DHRSX: variants seen among roughly 807,000 people sequenced by gnomAD.
The protein encoded by DHRSX is dehydrogenase/reductase X-linked.
DHRSX carries 31 observed loss-of-function variants against 34.0 expected under a neutral mutation model. That is an observed-to-expected ratio of 0.91 (90% CI 0.69 to 1.23). The LOEUF (loss-of-function observed/expected upper bound fraction) is 1.23. DHRSX is among the 50% of genes most tolerant of loss of function. DHRSX has a pLI of 0.00. For missense variants in DHRSX, 414 were observed against 428.1 expected, an observed-to-expected ratio of 0.97 and a Z score of 0.29; for synonymous variants, 201 against 183.8, an observed-to-expected ratio of 1.09 and a Z score of -0.76.
chrX:2,257,751 C>T (rs2041298833), intron 5 of DHRSX, among the ~76,000 whole-genome samples: 1 of 152,016 alleles, frequency 6.6e-6, no homozygotes, highest in African/African-American at 2.4e-5. Context: ...TCAGCCTCCC[C>T]AGTAGCTGGG....
intron 1 of DHRSX, among the ~76,000 whole-genome samples, chrX:2,471,920 CA>C (rs2044599309): frequency 6.6e-6 from 1 of 151,768 alleles, no homozygotes. Context: ...CCGTGGAGGG[CA>C]GATTAACTGA....
intron 3 of DHRSX, among the ~76,000 whole-genome samples, chrX:2,346,818 G>C (rs1265065657): frequency 6.6e-6 from 1 of 151,648 alleles, no homozygotes; most frequent in Non-Finnish European, 1.5e-5. Context: ...CTCCCCGACA[G>C]GCCCCAGTGT....
intron 1 of DHRSX, among the ~76,000 whole-genome samples, chrX:2,446,515 C>G (rs1050932709): frequency 6.6e-6 from 1 of 151,840 alleles, no homozygotes; most frequent in African/African-American, 2.4e-5. Flanking sequence ...TGAAGATGGT[C>G]CCTAACAATG....
chrX:2,439,436 G>T (rs956429017), intron 1 of DHRSX, among the ~76,000 whole-genome samples: 16 of 152,210 alleles, frequency 1.1e-4, no homozygotes, highest in Non-Finnish European at 2.1e-4. Flanking sequence ...TTGTCCAGTG[G>T]TCCTCAAGCT....
intron 5 of DHRSX, among the ~76,000 whole-genome samples, chrX:2,245,352 A>G (rs1448969572): frequency 2.0e-5 from 3 of 151,878 alleles, no homozygotes; most frequent in Admixed American, 2.0e-4. Flanking sequence ...CATATTGCCC[A>G]GGCTGGAGTG....
chrX:2,456,452 A>G (rs2044298121), intron 1 of DHRSX, among the ~76,000 whole-genome samples: 2 of 151,882 alleles, frequency 1.3e-5, no homozygotes, highest in African/African-American at 4.8e-5. Context: ...CATCTCTACT[A>G]AAAATACAAA....
intron 3 of DHRSX, among the ~76,000 whole-genome samples, chrX:2,379,413 G>A (rs1025984169): frequency 6.6e-6 from 1 of 152,060 alleles, no homozygotes; most frequent in Non-Finnish European, 1.5e-5. Context: ...CAAACGAAGG[G>A]TTAATTAATC....
At chrX:2,444,083 G>C (rs144689026) in intron 1 of DHRSX, among the ~76,000 whole-genome samples, 4,999 of 151,584 alleles carry the variant, frequency 0.033, 272 homozygotes, top group African/African-American at 0.11. Flanking sequence ...AAGCCATTGG[G>C]GAAATAACCT....
chrX:2,321,638 T>C (rs1357946225), intron 3 of DHRSX, among the ~76,000 whole-genome samples: 12 of 152,118 alleles, frequency 7.9e-5, no homozygotes, highest in Non-Finnish European at 1.6e-4. Context: ...ACCTCTCAAG[T>C]ACCCAACCAT....
intron 1 of DHRSX, among the ~76,000 whole-genome samples, chrX:2,497,568 A>G (rs1258943538): frequency 2.6e-5 from 4 of 152,196 alleles, no homozygotes; most frequent in Non-Finnish European, 5.9e-5. Flanking sequence ...GCCAGTTGGC[A>G]TATTTTTTGT....
At chrX:2,360,381 A>T (rs191094539) in intron 3 of DHRSX, among the ~76,000 whole-genome samples, 2 of 152,074 alleles carry the variant, frequency 1.3e-5, no homozygotes, top group Non-Finnish European at 2.9e-5. Flanking sequence ...GCAGGAGTTC[A>T]AGACCAGCCT....
intron 5 of DHRSX, 77 bp downstream of exon 5, chrX:2,266,663 A>T: frequency 7.0e-7 from 1 of 1,421,042 alleles, no homozygotes; most frequent in Non-Finnish European, 9.9e-7. Context: ...GGAGCGCCAC[A>T]CCGCACAGAC....
intron 2 of DHRSX, among the ~76,000 whole-genome samples, chrX:2,418,014 A>T (rs2043718120): frequency 6.6e-6 from 1 of 151,908 alleles, no homozygotes; most frequent in African/African-American, 2.4e-5. Context: ...AATGTGACCT[A>T]ACTCAACTAC....
intron 3 of DHRSX, among the ~76,000 whole-genome samples, chrX:2,321,155 G>A (rs2042306388): frequency 6.6e-6 from 1 of 152,086 alleles, no homozygotes; most frequent in African/African-American, 2.4e-5. Flanking sequence ...CCGAGGGGAT[G>A]GGAGCATTTA....
At chrX:2,400,933 C>T (rs1339955988) in intron 3 of DHRSX, among the ~76,000 whole-genome samples, 6 of 152,066 alleles carry the variant, frequency 3.9e-5, no homozygotes, top group Admixed American at 1.3e-4. Flanking sequence ...CCTCCCAAGG[C>T]GGCGTGCAAA....
At chrX:2,255,219 A>C (rs1282669391) in intron 5 of DHRSX, among the ~76,000 whole-genome samples, 1 of 152,108 alleles carries the variant, frequency 6.6e-6, no homozygotes, top group East Asian at 1.9e-4. Context: ...TTTTCCGCTA[A>C]GAGAAAACAA....
At chrX:2,426,586 C>T (rs1391811176) in intron 1 of DHRSX, among the ~76,000 whole-genome samples, 1 of 140,196 alleles carries the variant, frequency 7.1e-6, no homozygotes. Flanking sequence ...TCATTCCTTC[C>T]TTCCCTCCCT....
rs2041430485 is a variant in DHRSX at position 2,265,100 on chromosome X, T to C, written c.596+1640A>G. Among the ~76,000 whole-genome samples the C allele has an allele frequency of 4.4e-5, 6 of 134,982 alleles. No homozygotes were observed. The South Asian group carries it at 1.0e-3, about 22-fold the overall frequency. 88.6% of individuals were successfully genotyped at this position (134,982 alleles called of 152,430 possible). A position where few individuals can be genotyped will look rare whatever the true frequency, so the allele number is the denominator to read the frequency against. ...AGTATCCAGCAGACGCAGGGAGCAC[T>C]GTCCCCAGAGCACCAGTGCTCAGCA... On this transcript the variant is annotated intron_variant, in intron 5 of 6. Transcript: ENST00000334651.
chrX:2,319,108 A>C (rs891974925), intron 3 of DHRSX, among the ~76,000 whole-genome samples: 3 of 152,056 alleles, frequency 2.0e-5, no homozygotes, highest in Non-Finnish European at 4.4e-5. Flanking sequence ...AAAAATCAAA[A>C]GAAGGATAAC....
Sources: gnomAD v4.1 joint callset for allele counts (sites outside exome capture counted in the v4.1 genomes callset) on GRCh38, gnomAD v4.1.1 for gene constraint, MANE v1.5 for transcripts, NCBI Gene and HGNC (gene_info 2026-07-23, HGNC 2026-07-21) for gene names.